Variants in ARPP21 observed in about 807,000 individuals in gnomAD.
The protein encoded by ARPP21 is cAMP-regulated phosphoprotein 21.
Under a neutral mutation model 113.2 loss-of-function variants are expected in ARPP21, and 69 were observed. The observed-to-expected ratio is 0.61, with a 90% CI of 0.50 to 0.74. ARPP21 has a LOEUF of 0.74. ARPP21 is among the 30% of genes least tolerant of loss of function. The pLI is 0.00. For missense variants in ARPP21, 1,070 were observed against 1,037.4 expected (o/e 1.03, Z -0.43); for synonymous variants, 368 against 375.5 (o/e 0.98, Z 0.23).
chr3:35,646,868 T>G (rs952111127), intron 1 of ARPP21, among the ~76,000 whole-genome samples: 2 of 152,166 alleles, frequency 1.3e-5, no homozygotes. Context: ...TGTACTAAAT[T>G]CAAAAATTTC....
chr3:35,778,533 A>G (rs563149908), intron 19 of ARPP21, among the ~76,000 whole-genome samples: 1 of 152,286 alleles, frequency 6.6e-6, no homozygotes, highest in South Asian at 2.1e-4. Flanking sequence ...TAAGACCTAC[A>G]GACAAGGGGA....
intron 12 of ARPP21, 28 bp from the exon 13 acceptor site, chr3:35,717,270 T>A (rs767917953): frequency 6.4e-6 from 9 of 1,408,516 alleles, no homozygotes; most frequent in Non-Finnish European, 6.0e-6. Flanking sequence ...AGGTTTTATA[T>A]CATAAAAATC....
At chr3:35,703,077 T>TA (rs1472444113) in intron 9 of ARPP21, among the ~76,000 whole-genome samples, 1 of 151,868 alleles carries the variant, frequency 6.6e-6, no homozygotes, top group Non-Finnish European at 1.5e-5. Flanking sequence ...GACTTTTCTC[T>TA]ATGACTCTAC....
intron 19 of ARPP21, among the ~76,000 whole-genome samples, chr3:35,771,333 GTT>G (rs764714075): frequency 7.0e-6 from 1 of 143,200 alleles, no homozygotes. Context: ...GGTAATGATT[GTT>G]TTTTTTTTTT....
At chr3:35,766,395 AAAG>A (rs1223513352) in intron 19 of ARPP21, among the ~76,000 whole-genome samples, 3 of 152,186 alleles carry the variant, frequency 2.0e-5, no homozygotes, top group African/African-American at 7.2e-5. Context: ...AAAAAACAAA[AAAG>A]AAGAAGAAGG....
chr3:35,734,901 C>T (rs1175266121), intron 15 of ARPP21, among the ~76,000 whole-genome samples: 5 of 152,214 alleles, frequency 3.3e-5, no homozygotes, highest in Non-Finnish European at 7.3e-5. Flanking sequence ...TGTGACTTCA[C>T]TCAGAATGAG....
At chr3:35,652,790 G>A (rs939485373) in intron 1 of ARPP21, among the ~76,000 whole-genome samples, 1 of 152,022 alleles carries the variant, frequency 6.6e-6, no homozygotes, top group African/African-American at 2.4e-5. Context: ...AAGCTACCAT[G>A]TGGCCATTTG....
intron 19 of ARPP21, among the ~76,000 whole-genome samples, chr3:35,774,234 T>C (rs1414307427): frequency 2.0e-5 from 3 of 152,154 alleles, no homozygotes; most frequent in African/African-American, 7.2e-5. Flanking sequence ...CTGCGCAACA[T>C]AGCAAGGCCC....
chr3:35,741,170 A>C (rs2094633895), intron 18 of ARPP21, among the ~76,000 whole-genome samples: 1 of 152,216 alleles, frequency 6.6e-6, no homozygotes, highest in South Asian at 2.1e-4. Context: ...TCACTGAAGG[A>C]ATTTCAATAT....
chr3:35,700,528 A>G (rs1018471487), intron 9 of ARPP21, among the ~76,000 whole-genome samples: 16 of 151,664 alleles, frequency 1.1e-4, no homozygotes, highest in Non-Finnish European at 1.5e-4. Context: ...AAAAAAAAGT[A>G]CACCAATACT....
chr3:35,665,846 A>G (rs1330820309), intron 1 of ARPP21, among the ~76,000 whole-genome samples: 1 of 152,170 alleles, frequency 6.6e-6, no homozygotes, highest in Non-Finnish European at 1.5e-5. Context: ...CAAGGTATTT[A>G]GTTAGTGTAT....
intron 1 of ARPP21, among the ~76,000 whole-genome samples, chr3:35,652,360 G>A (rs1292727562): frequency 6.6e-6 from 1 of 152,102 alleles, no homozygotes; most frequent in African/African-American, 2.4e-5. Context: ...ATATCCAGCA[G>A]AAGGCCATTT....
At chr3:35,668,824 T>C (rs1484465566) in intron 1 of ARPP21, among the ~76,000 whole-genome samples, 2 of 152,160 alleles carry the variant, frequency 1.3e-5, no homozygotes, top group Non-Finnish European at 2.9e-5. Context: ...CTCATTTTGT[T>C]CTTTACTTTC....
chr3:35,664,563 G>A (rs1709323459), intron 1 of ARPP21, among the ~76,000 whole-genome samples: 1 of 152,162 alleles, frequency 6.6e-6, no homozygotes, highest in East Asian at 1.9e-4. Context: ...TTCCTGTTAA[G>A]CTATGCCTCT....
chr3:35,782,355 T>C lies in ARPP21; in HGVS notation c.2138-10027T>C, dbSNP rs775453674. ...CTGGGTTATTGCAATTCCATGTGGA[T>C]CAAACAACACTAATCATGTTCATAA... On this transcript the variant is annotated intron_variant, in intron 19 of 20. Coordinates refer to ENST00000684406, the MANE Select transcript of ARPP21 (RefSeq NM_001385562.1). 3.6e-4 allele frequency among the ~76,000 whole-genome samples: 55 copies of C among 152,304 alleles called. 1 individual carries two copies. Among genetic ancestry groups the C allele is most frequent in the Non-Finnish European group, 7.2e-4 (49 of 68,022 alleles).
intron 19 of ARPP21, among the ~76,000 whole-genome samples, chr3:35,750,285 T>C (rs1172194257): frequency 6.6e-6 from 1 of 152,084 alleles, no homozygotes; most frequent in Non-Finnish European, 1.5e-5. Context: ...CATTCATTTG[T>C]ATATATTTTT....
At chr3:35,669,192 G>A (rs763803909) in intron 1 of ARPP21, among the ~76,000 whole-genome samples, 2 of 151,738 alleles carry the variant, frequency 1.3e-5, no homozygotes, top group Admixed American at 6.6e-5. Context: ...GCAAAGAAAG[G>A]TAATAATTTC....
chr3:35,651,438 A>G (rs865960966), intron 1 of ARPP21, among the ~76,000 whole-genome samples: 12 of 152,178 alleles, frequency 7.9e-5, no homozygotes, highest in Middle Eastern at 3.4e-3. Context: ...TATAATATTC[A>G]TGCATCCATT....
chr3:35,650,650 A>T (rs192462267), intron 1 of ARPP21, among the ~76,000 whole-genome samples: 1 of 152,118 alleles, frequency 6.6e-6, no homozygotes, highest in South Asian at 2.1e-4. Flanking sequence ...GCTTTGGTGG[A>T]GAGGAAAGTT....
Sources: allele counts gnomAD v4.1 joint callset (sites outside exome capture counted in the v4.1 genomes callset), GRCh38; gene constraint gnomAD v4.1.1; transcripts MANE v1.5; gene names NCBI Gene and HGNC (gene_info 2026-07-23, HGNC 2026-07-21).